The following ANKS1B variants were observed in gnomAD, a reference collection of about 807,000 sequenced individuals.
ANKS1B encodes the protein ankyrin repeat and sterile alpha motif domain-containing protein 1B.
A neutral mutation model predicts 148.3 loss-of-function variants in ANKS1B; 36 were observed. The observed-to-expected ratio is 0.24, with a 90% CI of 0.19 to 0.32. The LOEUF (loss-of-function observed/expected upper bound fraction) is 0.32, where lower values mean the gene tolerates loss of function less well. Among genes scored for constraint, ANKS1B ranks in the 10% least tolerant of loss-of-function variants. ANKS1B has a pLI of 1.00. For missense variants in ANKS1B, 1,157 were observed against 1,542.6 expected (o/e 0.75, Z 4.19); for synonymous variants, 542 against 560.8 (o/e 0.97, Z 0.47).
chr12:98,815,641 G>GTTT (rs2099133373), intron 19 of ANKS1B, among the ~76,000 whole-genome samples: 13 of 152,226 alleles, frequency 8.5e-5, no homozygotes, highest in African/African-American at 3.1e-4. Flanking sequence ...TCACCTCCCT[G>GTTT]TGAGCTTCCT....
At chr12:99,738,403 G>C (rs986231447) in intron 8 of ANKS1B, among the ~76,000 whole-genome samples, 1 of 152,030 alleles carries the variant, frequency 6.6e-6, no homozygotes, top group Non-Finnish European at 1.5e-5. Context: ...CTCCATATTT[G>C]TTGGGTCACT....
intron 17 of ANKS1B, among the ~76,000 whole-genome samples, chr12:99,001,394 G>A (rs1264686397): frequency 6.6e-6 from 1 of 152,140 alleles, no homozygotes; most frequent in Non-Finnish European, 1.5e-5. Flanking sequence ...CTCCTAAAGT[G>A]CTGGGAATAT....
intron 17 of ANKS1B, among the ~76,000 whole-genome samples, chr12:98,977,119 G>C (rs1400474412): frequency 1.3e-5 from 2 of 152,186 alleles, no homozygotes; most frequent in African/African-American, 4.8e-5. Flanking sequence ...CAGCATCATT[G>C]GCTATTCATA....
chr12:99,522,261 G>A (rs1179577181), intron 9 of ANKS1B, among the ~76,000 whole-genome samples: 1 of 152,140 alleles, frequency 6.6e-6, no homozygotes, highest in Non-Finnish European at 1.5e-5. Context: ...TCCAGTCCCT[G>A]AATCCCAAAC....
intron 10 of ANKS1B, among the ~76,000 whole-genome samples, chr12:99,488,255 T>C (rs977132523): frequency 3.9e-5 from 6 of 152,292 alleles, no homozygotes; most frequent in African/African-American, 1.2e-4. Flanking sequence ...TAAAAAAGCA[T>C]ATAGCAAGAA....
intron 1 of ANKS1B, among the ~76,000 whole-genome samples, chr12:99,976,250 C>G (rs1217789468): frequency 6.6e-6 from 1 of 152,130 alleles, no homozygotes; most frequent in East Asian, 1.9e-4. Flanking sequence ...ATGCTCACTA[C>G]CTAGGTGACA....
chr12:99,333,875 T>TA (rs2088167448), intron 12 of ANKS1B, among the ~76,000 whole-genome samples: 1 of 149,314 alleles, frequency 6.7e-6, no homozygotes, highest in African/African-American at 2.5e-5. Context: ...TTTTTTTTTT[T>TA]AACAATGTGA....
intron 12 of ANKS1B, among the ~76,000 whole-genome samples, chr12:99,363,018 G>A (rs2092571951): frequency 6.6e-6 from 1 of 151,978 alleles, no homozygotes; most frequent in Non-Finnish European, 1.5e-5. Context: ...AAAAATTATT[G>A]TAACATGGAG....
chr12:99,002,710 T>C (rs2153373721), intron 17 of ANKS1B, among the ~76,000 whole-genome samples: 2 of 152,358 alleles, frequency 1.3e-5, no homozygotes, highest in South Asian at 4.1e-4. Flanking sequence ...TCTTGAGTTT[T>C]AAGAGTTCCT....
chr12:98,928,739 T>C (rs2099811086), intron 17 of ANKS1B, among the ~76,000 whole-genome samples: 1 of 151,944 alleles, frequency 6.6e-6, no homozygotes, highest in South Asian at 2.1e-4. Flanking sequence ...AGCCCAATAC[T>C]CTTTTATGAT....
chr12:98,923,023 C>T (rs2099803507), intron 17 of ANKS1B, among the ~76,000 whole-genome samples: 1 of 151,980 alleles, frequency 6.6e-6, no homozygotes, highest in Admixed American at 6.6e-5. Context: ...GAAATTCAAT[C>T]CTCAGTGTGG....
chr12:99,549,287 T>A (rs779086653), intron 9 of ANKS1B, among the ~76,000 whole-genome samples: 25 of 152,178 alleles, frequency 1.6e-4, no homozygotes, highest in Non-Finnish European at 3.7e-4. Flanking sequence ...GGCAGAAGAC[T>A]GGAGATGGGT....
chr12:99,009,851 A>AAC (rs1488935345), intron 17 of ANKS1B, among the ~76,000 whole-genome samples: 73 of 148,636 alleles, frequency 4.9e-4, no homozygotes, highest in Non-Finnish European at 9.3e-4. Context: ...CAAAAAAAAA[A>AAC]AAACAAACAA....
intron 19 of ANKS1B, among the ~76,000 whole-genome samples, chr12:98,808,170 T>A (rs2099065616): frequency 6.6e-6 from 1 of 152,176 alleles, no homozygotes; most frequent in Non-Finnish European, 1.5e-5. Flanking sequence ...AATAAATTCA[T>A]GCCTTGGAAA....
chr12:99,587,082 G>A (rs1475626390), intron 9 of ANKS1B, among the ~76,000 whole-genome samples: 1 of 152,102 alleles, frequency 6.6e-6, no homozygotes, highest in Non-Finnish European at 1.5e-5. Flanking sequence ...CTAGGAACAG[G>A]AAAACAAAAA....
chr12:99,865,940 C>A (rs2090688391), intron 1 of ANKS1B, among the ~76,000 whole-genome samples: 1 of 151,980 alleles, frequency 6.6e-6, no homozygotes, highest in Non-Finnish European at 1.5e-5. Context: ...AGTCAACATG[C>A]CCTGTGCTCC....
intron 1 of ANKS1B, among the ~76,000 whole-genome samples, chr12:99,853,461 G>A (rs1565864838): frequency 1.3e-5 from 2 of 152,090 alleles, no homozygotes; most frequent in Non-Finnish European, 2.9e-5. Context: ...GCTCTGCTAG[G>A]AGACTAGATT....
rs1048358911 is a variant in ANKS1B, at chr12:99,019,685, C to G, written c.2778+33472G>C. On this transcript the variant is annotated intron_variant, in intron 17 of 26. Coordinates refer to ENST00000683438, the MANE Select transcript of ANKS1B (RefSeq NM_001352186.2). ...AACTAAGCTTTCCTAAATATTTTCC[C>G]AAACCAAGCTGTTTCTTTACGGACT... 2.6e-5 allele frequency among the ~76,000 whole-genome samples: 4 copies of G among 152,144 alleles called. No homozygotes were observed. In the East Asian group the frequency reaches 7.7e-4, roughly 29 times the overall value.
intron 14 of ANKS1B, among the ~76,000 whole-genome samples, chr12:99,208,599 T>C (rs1020550171): frequency 2.0e-5 from 3 of 152,066 alleles, no homozygotes; most frequent in South Asian, 4.1e-4. Flanking sequence ...CTACGGGACA[T>C]TGAATATATA....
Sources: allele counts gnomAD v4.1 joint callset (sites outside exome capture counted in the v4.1 genomes callset), GRCh38; gene constraint gnomAD v4.1.1; transcripts MANE v1.5; gene names NCBI Gene and HGNC (gene_info 2026-07-23, HGNC 2026-07-21).